The following EFNA5 variants were observed in gnomAD, a reference collection of about 807,000 sequenced individuals.
EFNA5 encodes the protein ephrin A5, also known as ephrin-A5.
A neutral mutation model predicts 22.9 loss-of-function variants in EFNA5; 5 were observed. The ratio of observed to expected loss-of-function variants is 0.22; its 90% CI spans 0.11 to 0.46. The LOEUF (loss-of-function observed/expected upper bound fraction) is 0.46, where lower values mean the gene tolerates loss of function less well. Ranked by LOEUF, EFNA5 falls within the 20% of genes least tolerant of loss-of-function variation. The probability of loss-of-function intolerance (pLI) is 0.99; values close to 1 mark genes in which losing one functional copy is unlikely to be tolerated. For missense variants in EFNA5, 237 were observed against 293.3 expected (o/e 0.81, Z 1.40); for synonymous variants, 113 against 112.2 (o/e 1.01, Z -0.04).
At chr5:107,451,220 A>AT (rs1392088028) in intron 1 of EFNA5, among the ~76,000 whole-genome samples, 1 of 152,210 alleles carries the variant, frequency 6.6e-6, no homozygotes, top group Non-Finnish European at 1.5e-5. Flanking sequence ...TCAAAGATCC[A>AT]TTTACTTCAC....
At chr5:107,444,738 G>C (rs1251792517) in intron 1 of EFNA5, among the ~76,000 whole-genome samples, 1 of 152,184 alleles carries the variant, frequency 6.6e-6, no homozygotes, top group African/African-American at 2.4e-5. Context: ...ATTTGTGTAA[G>C]TCAAACTTAG....
Position 107,526,468 on chromosome 5 carries a change from C to T in EFNA5, c.126-98959G>A, listed in dbSNP as rs374853803. On this transcript the variant is annotated intron_variant, in intron 1 of 4. Coordinates refer to ENST00000333274, the MANE Select transcript of EFNA5 (RefSeq NM_001962.3). ...ACTCTGACAGGAGAAAGCAAACAGC[C>T]CAGACTTGATTGGGTCTGAACATGG... 2.6e-5 allele frequency among the ~76,000 whole-genome samples: 4 copies of T among 152,302 alleles called. 1 individual carries two copies. In the South Asian group the frequency reaches 8.3e-4, roughly 32 times the overall value.
At chr5:107,641,392 A>G (rs891052118) in intron 1 of EFNA5, among the ~76,000 whole-genome samples, 6 of 152,086 alleles carry the variant, frequency 3.9e-5, no homozygotes, top group Non-Finnish European at 7.4e-5. Context: ...AAGCTCACAC[A>G]CATTCTGGAA....
At chr5:107,574,309 G>A (rs1748878891) in intron 1 of EFNA5, among the ~76,000 whole-genome samples, 1 of 152,068 alleles carries the variant, frequency 6.6e-6, no homozygotes, top group Admixed American at 6.6e-5. Flanking sequence ...TTGATTTTCG[G>A]GAGTACTCAG....
chr5:107,455,586 G>GA (rs981803941), intron 1 of EFNA5, among the ~76,000 whole-genome samples: 32 of 152,332 alleles, frequency 2.1e-4, no homozygotes, highest in Middle Eastern at 3.4e-3. Context: ...GTTGAGGGAA[G>GA]AAGACCTTCA....
At chr5:107,484,190 G>C (rs1388464994) in intron 1 of EFNA5, among the ~76,000 whole-genome samples, 6 of 152,148 alleles carry the variant, frequency 3.9e-5, no homozygotes, top group Non-Finnish European at 8.8e-5. Flanking sequence ...AACACCTTTA[G>C]CATCTATATC....
At chr5:107,646,733 A>T (rs1750639654) in intron 1 of EFNA5, among the ~76,000 whole-genome samples, 1 of 152,156 alleles carries the variant, frequency 6.6e-6, no homozygotes, top group Non-Finnish European at 1.5e-5. Context: ...TTACATGGTG[A>T]GGGGGATACT....
intron 1 of EFNA5, among the ~76,000 whole-genome samples, chr5:107,566,668 G>C (rs1264922014): frequency 6.6e-6 from 1 of 152,156 alleles, no homozygotes; most frequent in African/African-American, 2.4e-5. Flanking sequence ...CTTAAAAAAA[G>C]ACTCCTGGCT....
chr5:107,465,150 C>A (rs1749939499), intron 1 of EFNA5, among the ~76,000 whole-genome samples: 1 of 151,888 alleles, frequency 6.6e-6, no homozygotes, highest in Non-Finnish European at 1.5e-5. Flanking sequence ...ACAGCGACAG[C>A]AAAGCTTTTC....
rs1250676462 is a variant in EFNA5, at chr5:107,661,208, A to C, written c.125+9281T>G. Among the ~76,000 whole-genome samples, 3 of 152,134 alleles carry C rather than the reference A, an allele frequency of 2.0e-5. No homozygotes were observed. In the East Asian group the frequency reaches 5.8e-4, roughly 29 times the overall value. On this transcript the variant is annotated intron_variant, in intron 1 of 4. Coordinates refer to ENST00000333274, the MANE Select transcript of EFNA5 (RefSeq NM_001962.3). ...TTGCTGCAGCAGAACCATACATCTG[A>C]GCTTCCCTTAGCCTCCATTATCCCA...
chr5:107,622,710 T>C lies in EFNA5; in HGVS notation c.125+47779A>G, dbSNP rs534331686. On this transcript the variant is annotated intron_variant, in intron 1 of 4. Transcript: ENST00000333274. ...ATTCAGGTGGATTGAATTTCAGTAATAGACGTGGAGTCTCAAAAGTTGAAT... is the reference window on the plus strand; with the variant it reads ...ATTCAGGTGGATTGAATTTCAGTAACAGACGTGGAGTCTCAAAAGTTGAAT... Among the ~76,000 whole-genome samples the C allele has an allele frequency of 9.2e-5, 14 of 152,236 alleles. 1 individual carries two copies. In the South Asian group the frequency reaches 2.5e-3, roughly 27 times the overall value.
intron 1 of EFNA5, among the ~76,000 whole-genome samples, chr5:107,569,824 C>G (rs1748756752): frequency 7.3e-6 from 1 of 136,298 alleles, no homozygotes; most frequent in African/African-American, 3.0e-5. Flanking sequence ...GCCACTCCAG[C>G]CTGGGAGACC....
intron 1 of EFNA5, among the ~76,000 whole-genome samples, chr5:107,484,971 G>A (rs1462903185): frequency 6.7e-6 from 1 of 149,174 alleles, no homozygotes; most frequent in Non-Finnish European, 1.5e-5. Context: ...AGAAATTTCA[G>A]AGAAAAATGA....
intron 1 of EFNA5, among the ~76,000 whole-genome samples, chr5:107,620,391 T>C (rs1021644449): frequency 6.6e-5 from 10 of 152,238 alleles, no homozygotes; most frequent in African/African-American, 2.4e-4. Flanking sequence ...TTATGAACGT[T>C]ATACACAGAA....
chr5:107,531,486 G>A (rs186883418), intron 1 of EFNA5, among the ~76,000 whole-genome samples: 8 of 152,298 alleles, frequency 5.3e-5, no homozygotes, highest in East Asian at 3.9e-4. Context: ...TTCAGGAAAC[G>A]TGATACCTAT....
chr5:107,393,801 GA>G (rs1265705180), intron 2 of EFNA5, among the ~76,000 whole-genome samples: 1 of 152,158 alleles, frequency 6.6e-6, no homozygotes, highest in African/African-American at 2.4e-5. Context: ...AATAAATGCT[GA>G]AAGAGTAAAG....
Position 107,555,759 on chromosome 5 carries a change from T to C in EFNA5, c.125+114730A>G, listed in dbSNP as rs1227907473. Among the ~76,000 whole-genome samples, 6 of 152,362 alleles carry C rather than the reference T, an allele frequency of 3.9e-5. No homozygotes were observed. The South Asian group carries it at 6.2e-4, about 16-fold the overall frequency. Reference sequence around the variant, plus strand: ...CAAAAATAATGGAAAGAAACTTCTTTATTAAGTAGCAACTTGCTGCAAATC... The same window carrying C: ...CAAAAATAATGGAAAGAAACTTCTTCATTAAGTAGCAACTTGCTGCAAATC... On this transcript the variant is annotated intron_variant, in intron 1 of 4. Coordinates refer to ENST00000333274, the MANE Select transcript of EFNA5 (RefSeq NM_001962.3).
At chr5:107,438,827 G>T (rs932825709) in intron 1 of EFNA5, among the ~76,000 whole-genome samples, 3 of 152,170 alleles carry the variant, frequency 2.0e-5, no homozygotes, top group African/African-American at 7.2e-5. Flanking sequence ...GGCCACTGTT[G>T]GAAGGTGGGA....
intron 1 of EFNA5, among the ~76,000 whole-genome samples, chr5:107,490,447 T>A (rs756641910): frequency 2.6e-5 from 4 of 152,068 alleles, no homozygotes; most frequent in Admixed American, 6.6e-5. Context: ...TTATTCTATC[T>A]CCCTGAATTG....
Sources: gnomAD v4.1 joint callset for allele counts (sites outside exome capture counted in the v4.1 genomes callset) on GRCh38, gnomAD v4.1.1 for gene constraint, MANE v1.5 for transcripts, NCBI Gene and HGNC (gene_info 2026-07-23, HGNC 2026-07-21) for gene names.